Variants in GRIK2 observed in about 807,000 individuals in gnomAD.
The protein encoded by GRIK2 is glutamate ionotropic receptor kainate type subunit 2, also known as glutamate receptor ionotropic, kainate 2.
A neutral mutation model predicts 100.3 loss-of-function variants in GRIK2; 32 were observed. The ratio of observed to expected loss-of-function variants is 0.32; its 90% confidence interval spans 0.24 to 0.43. The LOEUF (loss-of-function observed/expected upper bound fraction) is 0.43. Ranked by LOEUF, GRIK2 falls within the 20% of genes least tolerant of loss-of-function variation. The probability of loss-of-function intolerance (pLI) is 1.00; values close to 1 mark genes in which losing one functional copy is unlikely to be tolerated. For synonymous variants in GRIK2, 417 were observed against 389.4 expected (o/e 1.07, Z -0.83); for missense variants, 843 against 1,114.9 (o/e 0.76, Z 3.47).
At chr6:101,884,620 A>G (rs529885277) in intron 11 of GRIK2, among the ~76,000 whole-genome samples, 2 of 152,260 alleles carry the variant, frequency 1.3e-5, no homozygotes, top group South Asian at 4.1e-4. Flanking sequence ...GATTGCTATT[A>G]GTTATGTAAC....
chr6:101,457,297 T>C (rs1300710950), intron 2 of GRIK2, among the ~76,000 whole-genome samples: 1 of 152,130 alleles, frequency 6.6e-6, no homozygotes. Context: ...TAAGCATATG[T>C]TGATAAATTT....
chr6:101,906,927 G>T (rs1788272518), intron 12 of GRIK2, among the ~76,000 whole-genome samples: 1 of 151,672 alleles, frequency 6.6e-6, no homozygotes, highest in African/African-American at 2.4e-5. Flanking sequence ...ATCACTTGTT[G>T]CACAGTTGTG....
chr6:101,801,639 GACAAACA>G (rs1379893384), intron 8 of GRIK2, among the ~76,000 whole-genome samples: 1 of 151,760 alleles, frequency 6.6e-6, no homozygotes, highest in African/African-American at 2.4e-5. Flanking sequence ...ATTTCCAAAT[GACAAACA>G]ATGGAAAACA....
intron 7 of GRIK2, among the ~76,000 whole-genome samples, chr6:101,793,647 G>A (rs550483074): frequency 1.4e-4 from 22 of 152,266 alleles, no homozygotes; most frequent in African/African-American, 4.3e-4. Context: ...TAGGCTGCTC[G>A]GGGGTCAGGG....
intron 2 of GRIK2, among the ~76,000 whole-genome samples, chr6:101,577,263 T>A (rs1777835776): frequency 6.6e-6 from 1 of 152,090 alleles, no homozygotes; most frequent in Admixed American, 6.6e-5. Flanking sequence ...CTATAAGGAA[T>A]TTTAATTAAA....
At chr6:101,585,755 A>C (rs1018245639) in intron 2 of GRIK2, among the ~76,000 whole-genome samples, 2 of 152,110 alleles carry the variant, frequency 1.3e-5, no homozygotes, top group Non-Finnish European at 2.9e-5. Flanking sequence ...AGAATTGGCA[A>C]ACAAATAGGC....
intron 2 of GRIK2, among the ~76,000 whole-genome samples, chr6:101,423,760 A>G (rs1401326782): frequency 2.9e-5 from 3 of 102,648 alleles, no homozygotes; most frequent in Non-Finnish European, 6.3e-5. Context: ...ATTTATTCAA[A>G]ACTTTTGATA....
At chr6:101,717,838 T>A (rs1040814866) in intron 7 of GRIK2, among the ~76,000 whole-genome samples, 3 of 151,814 alleles carry the variant, frequency 2.0e-5, no homozygotes, top group African/African-American at 7.2e-5. Context: ...TTTAACAAAA[T>A]GTCTGTATGT....
In GRIK2 at chr6:101,476,771, CAT is replaced by C. The variant is rs942904960; in HGVS notation, c.115+77380_115+77381del. 5.9e-5 allele frequency among the ~76,000 whole-genome samples: 9 copies of C among 152,230 alleles called. No individual in the cohort carries two copies. The East Asian group carries it at 1.2e-3, about 20-fold the overall frequency. On this transcript the variant is annotated intron_variant, in intron 2 of 16. Coordinates refer to ENST00000369134, the MANE Select transcript of GRIK2 (RefSeq NM_021956.5). ...ACTGGTTAACCCACTGAGATGACCA[CAT>C]GTTAGGCATGTACTATTCCATGCAC...
chr6:101,503,034 A>T (rs1773845276), intron 2 of GRIK2, among the ~76,000 whole-genome samples: 1 of 152,148 alleles, frequency 6.6e-6, no homozygotes, highest in Non-Finnish European at 1.5e-5. Flanking sequence ...GCTGTAGGTG[A>T]TGAGAAGCAA....
chr6:101,520,996 G>GA (rs1774855218), intron 2 of GRIK2, among the ~76,000 whole-genome samples: 1 of 151,956 alleles, frequency 6.6e-6, no homozygotes, highest in Non-Finnish European at 1.5e-5. Context: ...ACATTTAAAA[G>GA]AAAATTAGTT....
chr6:101,481,534 T>G (rs1262732578), intron 2 of GRIK2, among the ~76,000 whole-genome samples: 2 of 152,200 alleles, frequency 1.3e-5, no homozygotes, highest in Non-Finnish European at 2.9e-5. Flanking sequence ...AATTTCCTGT[T>G]CAGTTAAAGT....
chr6:101,941,990 GT>G (rs201804387), intron 14 of GRIK2, among the ~76,000 whole-genome samples: 3 of 151,446 alleles, frequency 2.0e-5, no homozygotes, highest in Non-Finnish European at 2.9e-5. Flanking sequence ...AGTGGCATAG[GT>G]TTTTTTTGTA....
At chr6:101,744,558 A>ATAATC (rs751011648) in intron 7 of GRIK2, 2 of 115,048 alleles carry the variant, frequency 1.7e-5, no homozygotes, top group African/African-American at 7.4e-5. Context: ...ATATATATAT[A>ATAATC]TCACAATTTC....
intron 7 of GRIK2, among the ~76,000 whole-genome samples, chr6:101,726,658 A>G (rs1774891112): frequency 6.6e-6 from 1 of 152,034 alleles, no homozygotes; most frequent in Non-Finnish European, 1.5e-5. Context: ...TGCATATTTG[A>G]ACAATGTATA....
At chr6:101,893,154 G>A (rs2791849) in intron 12 of GRIK2, among the ~76,000 whole-genome samples, 18,668 of 150,622 alleles carry the variant, frequency 0.12, 1,248 homozygotes, top group African/African-American at 0.16. Flanking sequence ...TTTACCTATC[G>A]AAAAAATTAT....
rs530630823 is a variant in GRIK2 at position 101,704,981 on chromosome 6, A to ATATATTTATATATTATATTACATATATT, written c.951+18671_951+18698dup. Reference sequence around the variant, plus strand: ...TCTAACTTTCATATATATTTATATTATATATTTATATATTATATTACATAT... The same window carrying ATATATTTATATATTATATTACATATATT: ...TCTAACTTTCATATATATTTATATTATATATTTATATATTATATTACATATATTTATATTTATATATTATATTACATAT... On this transcript the variant is annotated intron_variant, in intron 7 of 16. Transcript: ENST00000369134. Among the ~76,000 whole-genome samples, 872 of 146,054 alleles carry ATATATTTATATATTATATTACATATATT rather than the reference A, an allele frequency of 6.0e-3. 12 individuals carry two copies. The highest frequency in any genetic ancestry group is 0.02 in the African/African-American group (803 of 40,220).
At chr6:101,891,241 G>A (rs951349066) in intron 12 of GRIK2, among the ~76,000 whole-genome samples, 5 of 151,614 alleles carry the variant, frequency 3.3e-5, no homozygotes, top group South Asian at 2.1e-4. Context: ...AATATTGGCC[G>A]GGTGTGGTTG....
chr6:101,483,378 G>A (rs1008585455), intron 2 of GRIK2, among the ~76,000 whole-genome samples: 1 of 152,144 alleles, frequency 6.6e-6, no homozygotes, highest in Non-Finnish European at 1.5e-5. Flanking sequence ...AGTATGATTA[G>A]TAGTGGGTTC....
Sources: gnomAD v4.1 joint callset for allele counts (sites outside exome capture counted in the v4.1 genomes callset) on GRCh38, gnomAD v4.1.1 for gene constraint, MANE v1.5 for transcripts, NCBI Gene and HGNC (gene_info 2026-07-23, HGNC 2026-07-21) for gene names.